NXPE2: variants seen among roughly 807,000 people sequenced by gnomAD.
NXPE2 encodes the protein NXPE family member 2.
Under a neutral mutation model 34.4 loss-of-function variants are expected in NXPE2, and 34 were observed. The ratio of observed to expected loss-of-function variants is 0.99; its 90% CI spans 0.75 to 1.31. The LOEUF is 1.31. Among genes scored for constraint, NXPE2 ranks in the 40% most tolerant of loss-of-function variants. NXPE2 has a pLI of 0.00. For synonymous variants in NXPE2, 235 were observed against 231.3 expected, an observed-to-expected ratio of 1.02 and a Z score of -0.15; for missense variants, 649 against 672.5, an observed-to-expected ratio of 0.97 and a Z score of 0.39.
chr11:114,552,420 C>T, the NXPE2 span, among the ~76,000 whole-genome samples: 21 of 152,198 alleles, frequency 1.4e-4, no homozygotes, highest in Admixed American at 2.6e-4. Flanking sequence ...TAATGTCTAT[C>T]GCAGCATTCC....
chr11:114,571,171 T>G, the NXPE2 span: 5 of 1,613,886 alleles, frequency 3.1e-6, no homozygotes, highest in African/African-American at 6.7e-5. Flanking sequence ...ATAACCATAG[T>G]GTCTGGGCTT....
chr11:114,608,782 G>A, the NXPE2 span, among the ~76,000 whole-genome samples: 14 of 151,512 alleles, frequency 9.2e-5, no homozygotes, highest in African/African-American at 3.4e-4. Flanking sequence ...GATAACCACG[G>A]TTACCCTGTG....
At chr11:114,757,704 A>G in the NXPE2 span, among the ~76,000 whole-genome samples, 1 of 152,172 alleles carries the variant, frequency 6.6e-6, no homozygotes, top group African/African-American at 2.4e-5. Context: ...CTCCAGTTGT[A>G]TTGTTTGGTC....
At chr11:114,760,646 C>T in the NXPE2 span, among the ~76,000 whole-genome samples, 38 of 152,256 alleles carry the variant, frequency 2.5e-4, no homozygotes, top group East Asian at 6.9e-3. Context: ...GTGTTCAGTT[C>T]CAACAAAGGA....
At chr11:114,782,638 C>T in the NXPE2 span, among the ~76,000 whole-genome samples, 25 of 152,298 alleles carry the variant, frequency 1.6e-4, 2 homozygotes, top group African/African-American at 5.8e-4. Context: ...CCCACAGTTC[C>T]TAGTTGTAGA....
At chr11:114,703,882 A>T in intron 3 of NXPE2, 109 bp from the exon 4 acceptor site, 7 of 767,378 alleles carry the variant, frequency 9.1e-6, no homozygotes, top group Non-Finnish European at 4.4e-6. Flanking sequence ...ATATCAAAAT[A>T]AGGGGGGAAA....
chr11:114,576,415 C>T, the NXPE2 span, among the ~76,000 whole-genome samples: 39 of 152,208 alleles, frequency 2.6e-4, no homozygotes, highest in African/African-American at 7.2e-4. Context: ...TAACAGACAA[C>T]TCACAGAGTG....
At chr11:114,540,425 C>G in the NXPE2 span, among the ~76,000 whole-genome samples, 1 of 152,040 alleles carries the variant, frequency 6.6e-6, no homozygotes, top group South Asian at 2.1e-4. Flanking sequence ...AAAATAAATA[C>G]AAACACTAAC....
chr11:114,630,125 C>G, the NXPE2 span, among the ~76,000 whole-genome samples: 1 of 151,612 alleles, frequency 6.6e-6, no homozygotes, highest in African/African-American at 2.4e-5. Flanking sequence ...CAATGCTGTA[C>G]CCATCAAGCT....
At chr11:114,583,772 G>T in the NXPE2 span, 1 of 464,506 alleles carries the variant, frequency 2.2e-6, no homozygotes, top group South Asian at 1.7e-5. Flanking sequence ...GTTGTATGTT[G>T]ACGTTGATAT....
chr11:114,662,060 A>G, the NXPE2 span, among the ~76,000 whole-genome samples: 1 of 152,176 alleles, frequency 6.6e-6, no homozygotes, highest in Non-Finnish European at 1.5e-5. Flanking sequence ...AACTATCGAC[A>G]CAAAAGAAGC....
At chr11:114,577,058 C>CGT in the NXPE2 span, among the ~76,000 whole-genome samples, 120 of 29,928 alleles carry the variant, frequency 4.0e-3, no homozygotes, top group Non-Finnish European at 7.5e-3. Flanking sequence ...TATATATATA[C>CGT]ATATATATAT....
chr11:114,487,427 C>T, the NXPE2 span, among the ~76,000 whole-genome samples: 4 of 152,240 alleles, frequency 2.6e-5, no homozygotes, highest in East Asian at 7.7e-4. Flanking sequence ...TACAAGCTCA[C>T]ATCATCTGCA....
chr11:114,808,838 T>A, the NXPE2 span, among the ~76,000 whole-genome samples: 7 of 152,300 alleles, frequency 4.6e-5, no homozygotes, highest in South Asian at 1.5e-3. Context: ...GCCTAACTCA[T>A]TTTATGAGGC....
the NXPE2 span, among the ~76,000 whole-genome samples, chr11:114,607,615 T>C: frequency 5.3e-5 from 8 of 151,614 alleles, no homozygotes; most frequent in Admixed American, 4.6e-4. Flanking sequence ...GTAACCAGTG[T>C]TACCCGGTGG....
At chr11:114,572,102 C>T in the NXPE2 span, among the ~76,000 whole-genome samples, 5 of 152,112 alleles carry the variant, frequency 3.3e-5, no homozygotes, top group East Asian at 5.8e-4. Context: ...CTCTCCAGTA[C>T]CAGCCCAGAG....
At chr11:114,652,221 TAGC>T in the NXPE2 span, among the ~76,000 whole-genome samples, 3 of 152,208 alleles carry the variant, frequency 2.0e-5, no homozygotes, top group Non-Finnish European at 4.4e-5. Context: ...TCAGTTGAGT[TAGC>T]AGGTGAATTT....
chr11:114,582,493 C>T, the NXPE2 span: 3 of 1,614,128 alleles, frequency 1.9e-6, no homozygotes, highest in Non-Finnish European at 2.5e-6. Context: ...GTGCCATTGA[C>T]AAACTGGCCA....
chr11:114,803,672 G>A, the NXPE2 span, among the ~76,000 whole-genome samples: 1 of 152,030 alleles, frequency 6.6e-6, no homozygotes, highest in South Asian at 2.1e-4. Flanking sequence ...CACCTCCTGG[G>A]TTCAAGCAAT....
Sources: gnomAD v4.1 joint callset for allele counts (sites outside exome capture counted in the v4.1 genomes callset) on GRCh38, gnomAD v4.1.1 for gene constraint, MANE v1.5 for transcripts, NCBI Gene and HGNC (gene_info 2026-07-23, HGNC 2026-07-21) for gene names.